The following SORCS3 variants were observed in gnomAD, a reference collection of about 807,000 sequenced individuals.
SORCS3 encodes sortilin related VPS10 domain containing receptor 3, also known as VPS10 domain-containing receptor SorCS3.
A neutral mutation model predicts 146.3 loss-of-function variants in SORCS3; 57 were observed. That is an observed-to-expected ratio of 0.39 (90% confidence interval 0.31 to 0.49). The LOEUF (loss-of-function observed/expected upper bound fraction) is 0.49. Ranked by LOEUF, SORCS3 falls within the 20% of genes least tolerant of loss-of-function variation. The pLI, the probability that SORCS3 is intolerant of heterozygous loss-of-function variation, is 0.92. For synonymous variants in SORCS3, 653 were observed against 618.5 expected (o/e 1.06, Z -0.83); for missense variants, 1,341 against 1,575.5 (o/e 0.85, Z 2.52).
intron 12 of SORCS3, among the ~76,000 whole-genome samples, chr10:105,166,789 G>A (rs1198548930): frequency 6.6e-6 from 1 of 152,132 alleles, no homozygotes; most frequent in Non-Finnish European, 1.5e-5. Context: ...ACCATAGTGG[G>A]TAGGAAATTG....
rs34795700 is a variant in SORCS3 at position 105,222,044 on chromosome 10, C to CTTTT, written c.2735-1048_2735-1045dup. On this transcript the variant is annotated intron_variant, in intron 19 of 26. Transcript: ENST00000369701. Reference sequence around the variant, plus strand: ...CAGATGCAACACCGATACCTTAACACTTTTTTTTTTTTTTTTTTTTTTTTT... The same window carrying CTTTT: ...CAGATGCAACACCGATACCTTAACACTTTTTTTTTTTTTTTTTTTTTTTTTTTTT... Among the ~76,000 whole-genome samples the CTTTT allele has an allele frequency of 1.4e-3, 107 of 76,508 alleles. 6 individuals carry two copies. The highest frequency in any genetic ancestry group is 2.2e-3 in the Admixed American group (13 of 5,906). 50.2% of individuals were successfully genotyped at this position (76,508 alleles called of 152,430 possible). A position where few individuals can be genotyped will look rare whatever the true frequency, so the allele number is the denominator to read the frequency against.
intron 1 of SORCS3, among the ~76,000 whole-genome samples, chr10:104,700,145 C>T (rs983669378): frequency 6.6e-6 from 1 of 152,206 alleles, no homozygotes; most frequent in Non-Finnish European, 1.5e-5. Flanking sequence ...CATTCTGCTT[C>T]CTGATCACTT....
At chr10:104,838,007 T>C (rs2018090360) in intron 1 of SORCS3, among the ~76,000 whole-genome samples, 1 of 152,176 alleles carries the variant, frequency 6.6e-6, no homozygotes, top group South Asian at 2.1e-4. Context: ...CTCTGTTTCT[T>C]TATCTGTAAA....
intron 1 of SORCS3, among the ~76,000 whole-genome samples, chr10:104,751,331 T>C (rs1379022513): frequency 6.6e-6 from 1 of 152,198 alleles, no homozygotes; most frequent in Non-Finnish European, 1.5e-5. Flanking sequence ...AGGATTGGTC[T>C]CAAATGGCAT....
At chr10:105,220,453 T>A (rs1204571116) in intron 19 of SORCS3, among the ~76,000 whole-genome samples, 2 of 152,058 alleles carry the variant, frequency 1.3e-5, no homozygotes, top group African/African-American at 4.8e-5. Flanking sequence ...GGCCCCCAAG[T>A]GATAGAAAGC....
intron 14 of SORCS3, among the ~76,000 whole-genome samples, chr10:105,194,884 C>G (rs932912631): frequency 2.0e-4 from 31 of 152,232 alleles, no homozygotes; most frequent in African/African-American, 7.5e-4. Flanking sequence ...TTAGGTACCT[C>G]AAATGTACTA....
intron 13 of SORCS3, among the ~76,000 whole-genome samples, chr10:105,176,249 A>C (rs1488345352): frequency 6.6e-6 from 1 of 152,142 alleles, no homozygotes; most frequent in Admixed American, 6.5e-5. Flanking sequence ...CCTAAAAAAA[A>C]TACTCCCAGG....
chr10:105,190,412 A>G (rs968128494), intron 14 of SORCS3, among the ~76,000 whole-genome samples: 1 of 152,178 alleles, frequency 6.6e-6, no homozygotes, highest in African/African-American at 2.4e-5. Flanking sequence ...ATTAATTGTT[A>G]TTATTATTTT....
At chr10:105,108,986 CT>C (rs1475278510) in intron 7 of SORCS3, among the ~76,000 whole-genome samples, 1 of 152,088 alleles carries the variant, frequency 6.6e-6, no homozygotes, top group Non-Finnish European at 1.5e-5. Flanking sequence ...ATTATGATTA[CT>C]TTAAAACTCC....
chr10:105,259,813 A>G (rs569342577), intron 25 of SORCS3, among the ~76,000 whole-genome samples: 1 of 152,100 alleles, frequency 6.6e-6, no homozygotes, highest in Admixed American at 6.5e-5. Context: ...CTCATAATAG[A>G]TGGATAAATA....
At chr10:105,262,748 G>A (rs546275161) in intron 26 of SORCS3, among the ~76,000 whole-genome samples, 2 of 152,262 alleles carry the variant, frequency 1.3e-5, no homozygotes, top group South Asian at 2.1e-4. Flanking sequence ...CATTACTGAC[G>A]GGCTTTTACT....
intron 5 of SORCS3, among the ~76,000 whole-genome samples, chr10:105,053,627 C>A (rs2055427469): frequency 6.6e-6 from 1 of 151,548 alleles, no homozygotes; most frequent in Non-Finnish European, 1.5e-5. Context: ...AAATATTTTT[C>A]ATTCAGATCA....
intron 7 of SORCS3, 63 bp from the exon 8 acceptor site, chr10:105,139,334 C>A: frequency 8.0e-7 from 1 of 1,245,384 alleles, no homozygotes; most frequent in Non-Finnish European, 1.2e-6. Context: ...AGAGCTAATA[C>A]TTTCCAACTT....
At position 104,918,262 on chromosome 10, in the gene SORCS3, G is replaced by A. The variant is rs1001905217; in HGVS notation, c.795+2330G>A. On this transcript the variant is annotated intron_variant, in intron 3 of 26. Transcript: ENST00000369701. Reference sequence around the variant, plus strand: ...GAACCCAAGATATCCATGGAGTCTCGGTTAGAAATCATTTTTCCATGCCAA... The same window carrying A: ...GAACCCAAGATATCCATGGAGTCTCAGTTAGAAATCATTTTTCCATGCCAA... Among the ~76,000 whole-genome samples, 62 of 151,956 alleles carry A rather than the reference G, an allele frequency of 4.1e-4. 1 individual carries two copies. Among genetic ancestry groups the A allele is most frequent in the Non-Finnish European group, 1.8e-4 (12 of 68,002 alleles).
At chr10:105,162,915 C>G (rs937044115) in intron 11 of SORCS3, among the ~76,000 whole-genome samples, 4 of 152,154 alleles carry the variant, frequency 2.6e-5, no homozygotes, top group Non-Finnish European at 5.9e-5. Context: ...CCAAAGAATC[C>G]TTCTTAACAC....
intron 19 of SORCS3, chr10:105,217,837 A>C (rs771782857): frequency 4.4e-6 from 2 of 453,978 alleles, no homozygotes; most frequent in South Asian, 3.1e-5. Flanking sequence ...TAATATTGTG[A>C]TTTTAGGATG....
chr10:104,751,020 T>G (rs2016976598), intron 1 of SORCS3, among the ~76,000 whole-genome samples: 1 of 133,406 alleles, frequency 7.5e-6, no homozygotes, highest in Non-Finnish European at 1.7e-5. Flanking sequence ...TAATGAGATA[T>G]GGACAAATTG....
At chr10:104,924,948 G>T (rs1224802118) in intron 3 of SORCS3, among the ~76,000 whole-genome samples, 2 of 152,112 alleles carry the variant, frequency 1.3e-5, no homozygotes, top group Non-Finnish European at 2.9e-5. Flanking sequence ...TGTGCAGAAC[G>T]TGCAGGTTTG....
Position 105,074,651 on chromosome 10 carries a change from A to C in SORCS3, c.1029-15124A>C, listed in dbSNP as rs551540342. ...TCTTCCTGGGGGTCCCCATATGGTTACAACCTCTTCCCTGTTGTCTTCCCA... is the reference window on the plus strand; with the variant it reads ...TCTTCCTGGGGGTCCCCATATGGTTCCAACCTCTTCCCTGTTGTCTTCCCA... On this transcript the variant is annotated intron_variant, in intron 5 of 26. Coordinates refer to ENST00000369701, the MANE Select transcript of SORCS3 (RefSeq NM_014978.3). Among the ~76,000 whole-genome samples, 78 of 152,292 alleles carry C rather than the reference A, an allele frequency of 5.1e-4. 1 individual carries two copies. Among genetic ancestry groups the C allele is most frequent in the Middle Eastern group, 3.4e-3 (1 of 294 alleles).
Sources: gnomAD v4.1 joint callset for allele counts (sites outside exome capture counted in the v4.1 genomes callset) on GRCh38, gnomAD v4.1.1 for gene constraint, MANE v1.5 for transcripts, NCBI Gene and HGNC (gene_info 2026-07-23, HGNC 2026-07-21) for gene names.